ERC2: variants seen among roughly 807,000 people sequenced by gnomAD.
ERC2 encodes the protein ELKS/RAB6-interacting/CAST family member 2, also known as ERC protein 2.
Under a neutral mutation model 114.8 loss-of-function variants are expected in ERC2, and 42 were observed. The observed-to-expected ratio is 0.37, with a 90% CI of 0.29 to 0.47. ERC2 has a LOEUF of 0.47. Among genes scored for constraint, ERC2 ranks in the 20% least tolerant of loss-of-function variants. ERC2 has a pLI of 0.99. For synonymous variants in ERC2, 454 were observed against 425.5 expected, an observed-to-expected ratio of 1.07 and a Z score of -0.82; for missense variants, 939 against 1,150.7, an observed-to-expected ratio of 0.82 and a Z score of 2.66.
chr3:56,274,493 AT>A (rs2053863724), intron 3 of ERC2, among the ~76,000 whole-genome samples: 1 of 137,498 alleles, frequency 7.3e-6, no homozygotes, highest in Non-Finnish European at 1.6e-5. Context: ...GGAAACCTGT[AT>A]TTTCAATCTG....
At chr3:56,233,097 TGG>T (rs372671743) in intron 3 of ERC2, among the ~76,000 whole-genome samples, 22 of 152,236 alleles carry the variant, frequency 1.4e-4, no homozygotes, top group African/African-American at 5.3e-4. Context: ...TCTGAGGGTA[TGG>T]ACTTTAATGG....
At chr3:55,717,993 A>T (rs2064223634) in intron 15 of ERC2, among the ~76,000 whole-genome samples, 1 of 152,182 alleles carries the variant, frequency 6.6e-6, no homozygotes, top group Admixed American at 6.5e-5. Context: ...AAATTTCATA[A>T]GGAGATGTCG....
intron 14 of ERC2, among the ~76,000 whole-genome samples, chr3:55,825,887 A>C (rs976921156): frequency 2.0e-5 from 3 of 151,984 alleles, no homozygotes; most frequent in African/African-American, 7.3e-5. Context: ...CCTCTTTTAC[A>C]TGTTGGATTC....
chr3:55,672,257 T>C (rs566608251), intron 17 of ERC2, among the ~76,000 whole-genome samples: 18 of 150,762 alleles, frequency 1.2e-4, no homozygotes, highest in Non-Finnish European at 2.1e-4. Context: ...GGATCTCGCT[T>C]GAACCCACAA....
At chr3:56,191,112 C>T (rs960330978) in intron 3 of ERC2, among the ~76,000 whole-genome samples, 5 of 152,138 alleles carry the variant, frequency 3.3e-5, no homozygotes, top group Non-Finnish European at 7.3e-5. Context: ...CAGAAGGGCA[C>T]AGGTGGAGTT....
At chr3:56,349,656 C>T (rs1046021434) in intron 2 of ERC2, among the ~76,000 whole-genome samples, 1 of 152,158 alleles carries the variant, frequency 6.6e-6, no homozygotes. Context: ...CCTGTAATCC[C>T]AGCATTTTGG....
intron 3 of ERC2, among the ~76,000 whole-genome samples, chr3:56,292,386 T>A (rs2055144929): frequency 7.0e-6 from 1 of 142,772 alleles, no homozygotes; most frequent in African/African-American, 2.6e-5. Flanking sequence ...GAGCCTAGCC[T>A]GGGCAACATG....
At chr3:55,981,617 G>C (rs1255542585) in intron 12 of ERC2, among the ~76,000 whole-genome samples, 1 of 152,184 alleles carries the variant, frequency 6.6e-6, no homozygotes, top group Non-Finnish European at 1.5e-5. Context: ...AGGGGGAGGA[G>C]AGGGAGAGAG....
intron 17 of ERC2, among the ~76,000 whole-genome samples, chr3:55,637,736 C>T (rs1381449956): frequency 6.6e-6 from 1 of 152,098 alleles, no homozygotes. Flanking sequence ...AGAACCTGCT[C>T]TCTCTATCGA....
At chr3:56,120,136 A>AAG (rs889977684) in intron 6 of ERC2, among the ~76,000 whole-genome samples, 5 of 151,934 alleles carry the variant, frequency 3.3e-5, no homozygotes, top group African/African-American at 4.8e-5. Flanking sequence ...ATTGAAAAAA[A>AAG]AGAGAGAGAG....
chr3:56,129,532 A>C (rs13058777), intron 6 of ERC2, among the ~76,000 whole-genome samples: 4 of 152,006 alleles, frequency 2.6e-5, no homozygotes, highest in Non-Finnish European at 5.9e-5. Flanking sequence ...CCCTCCTCCT[A>C]AATTCTGTCA....
At chr3:55,535,281 T>G (rs553755221) in intron 17 of ERC2, among the ~76,000 whole-genome samples, 2 of 152,332 alleles carry the variant, frequency 1.3e-5, no homozygotes, top group South Asian at 2.1e-4. Flanking sequence ...AGGAAACTAC[T>G]GTACAAAAAT....
chr3:56,310,453 T>C (rs997348173), intron 2 of ERC2, among the ~76,000 whole-genome samples: 2 of 152,216 alleles, frequency 1.3e-5, no homozygotes, highest in Admixed American at 6.5e-5. Flanking sequence ...CATGTTCATT[T>C]AGCAAAACTG....
At chr3:55,619,815 C>T (rs568335529) in intron 17 of ERC2, among the ~76,000 whole-genome samples, 38 of 152,268 alleles carry the variant, frequency 2.5e-4, no homozygotes, top group East Asian at 9.7e-4. Context: ...AGCACCATAA[C>T]GCTTCTCTCA....
intron 3 of ERC2, among the ~76,000 whole-genome samples, chr3:56,218,289 A>G (rs1363073105): frequency 6.6e-6 from 1 of 152,260 alleles, no homozygotes; most frequent in Non-Finnish European, 1.5e-5. Context: ...AAACAAATTT[A>G]CAAGAAAAAA....
intron 17 of ERC2, among the ~76,000 whole-genome samples, chr3:55,604,365 T>A (rs2058551131): frequency 6.6e-6 from 1 of 152,208 alleles, no homozygotes; most frequent in Admixed American, 6.5e-5. Context: ...TATATAAATA[T>A]CAATAATATT....
At chr3:55,654,612 T>C (rs2060779054) in intron 17 of ERC2, among the ~76,000 whole-genome samples, 1 of 152,212 alleles carries the variant, frequency 6.6e-6, no homozygotes, top group Non-Finnish European at 1.5e-5. Context: ...CGCAGATCTT[T>C]CTGTAATTGA....
At chr3:56,402,098 A>G (rs969217678) in intron 2 of ERC2, among the ~76,000 whole-genome samples, 1 of 152,208 alleles carries the variant, frequency 6.6e-6, no homozygotes, top group African/African-American at 2.4e-5. Context: ...CACCCCCATG[A>G]TTCAATTATC....
Position 56,007,190 on chromosome 3 carries a change from C to T in ERC2, c.2052G>A (p.Gln684=). 6.4e-7 allele frequency: 1 copy of T among 1,563,342 alleles called. No homozygotes were observed. The highest frequency in any genetic ancestry group is 8.7e-7 in the Non-Finnish European group (1 of 1,153,600). Residue 684 remains glutamine, a synonymous_variant, in exon 10 of 18, where the codon CAG becomes CAA. Transcript: ENST00000288221. The part of the protein sequence containing the change: ...KKEECSKLEA[Q]LKKAHNIEDD... ...CTTAGACTTCACTTACCTTTTTTAA[C>T]TGTGCTTCCAATTTGCTACATTCCT...
Sources: allele counts gnomAD v4.1 joint callset (sites outside exome capture counted in the v4.1 genomes callset), GRCh38; gene constraint gnomAD v4.1.1; transcripts MANE v1.5; gene names NCBI Gene and HGNC (gene_info 2026-07-23, HGNC 2026-07-21).